CCDC51: variants seen among roughly 807,000 people sequenced by gnomAD.
CCDC51 encodes mitochondrial potassium channel.
CCDC51 carries 25 observed loss-of-function variants against 24.8 expected under a neutral mutation model. The ratio of observed to expected loss-of-function variants is 1.01; its 90% CI spans 0.73 to 1.41. CCDC51 has a LOEUF of 1.41. Ranked by LOEUF, CCDC51 falls within the 40% of genes most tolerant of loss-of-function variation. The pLI, the probability that CCDC51 is intolerant of heterozygous loss-of-function variation, is 0.00. For synonymous variants in CCDC51, 190 were observed against 204.3 expected, an observed-to-expected ratio of 0.93 and a Z score of 0.60; for missense variants, 466 against 519.1, an observed-to-expected ratio of 0.90 and a Z score of 0.99.
rs777879705 is a variant in CCDC51, at chr3:48,432,950, C to T, written c.694G>A (p.Ala232Thr). 3 of 1,614,136 alleles carry T rather than the reference C, an allele frequency of 1.9e-6. No individual in the cohort carries two copies. Among genetic ancestry groups the T allele is most frequent in the South Asian group, 1.1e-5 (1 of 91,084 alleles). ...CCCTTCTGCGCCTCCAGGAGTAAAG[C>T]CTTCAGCTCCTGTAGTCGCACACGG... Reference protein sequence around the residue: ...VNRVRLQELKALLLEAQKGPV... With the variant: ...VNRVRLQELKTLLLEAQKGPV... Residue 232 changes from alanine to threonine, a missense_variant, in exon 4 of 4, where the codon GCT becomes ACT. Transcript: ENST00000395694.
Position 48,433,264 on chromosome 3 carries a change from G to A in CCDC51, c.478-98C>T. On this transcript the variant is annotated intron_variant, in intron 3 of 3. Transcript: ENST00000395694. This position sits in a 1 kb window ranked among gnomAD's most constrained non-coding sequence, Gnocchi z 4.4. ...GGCTCACTACCTTGTGCCTGGCAGA[G>A]TACATGTTCCATAGACCCATGCTGA... is the stretch of plus-strand genomic sequence containing the variant. The A allele has an allele frequency of 8.4e-7, 1 of 1,194,644 alleles. No homozygotes were observed. Among genetic ancestry groups the A allele is most frequent in the African/African-American group, 1.5e-5 (1 of 66,552 alleles). The allele number at this position is 1,194,644 out of a possible 1,614,324, so 74.0% of individuals were successfully genotyped here.
chr3:48,437,414 C>T lies in CCDC51; in HGVS notation c.-8-2278G>A, dbSNP rs1485814358. Reference sequence around the variant, plus strand: ...CTGTTTCTCAGCCCCCAGGATGTCACCACTTAGATGTTTCACAGGCCCCCC... The same window carrying T: ...CTGTTTCTCAGCCCCCAGGATGTCATCACTTAGATGTTTCACAGGCCCCCC... On this transcript the variant is annotated intron_variant, in intron 1 of 3. Transcript: ENST00000395694. This position sits in a 1 kb window ranked among gnomAD's most constrained non-coding sequence, Gnocchi z 4.2. Among the ~76,000 whole-genome samples the T allele has an allele frequency of 1.3e-5, 2 of 152,036 alleles. No homozygotes were observed. The highest frequency in any genetic ancestry group is 2.9e-5 in the Non-Finnish European group (2 of 68,028).
upstream of CCDC51, among the ~76,000 whole-genome samples, chr3:48,444,855 A>G (rs990223097): frequency 1.3e-5 from 2 of 152,138 alleles, no homozygotes; most frequent in Non-Finnish European, 2.9e-5. Context: ...TTGCTGGTGG[A>G]TGGAGGGGGT....
At position 48,439,972 on chromosome 3, in the gene CCDC51, A is replaced by C. The variant is rs996218488; in HGVS notation, c.-9+16T>G. The C allele has an allele frequency of 2.2e-6, 1 of 446,492 alleles. No homozygotes were observed. The allele number at this position is 446,492 out of a possible 1,614,324, so 27.7% of individuals were successfully genotyped here. ...AGCTTGAAGCTCTTTGCACATGCAC[A>C]TGCCCTGCTGTCTACCTGCAGTGCT... On this transcript the variant is annotated intron_variant, in intron 1 of 3. Coordinates refer to ENST00000395694, the MANE Select transcript of CCDC51 (RefSeq NM_001256964.2).
chr3:48,444,391 GC>G (rs2039630580), upstream of CCDC51, among the ~76,000 whole-genome samples: 10 of 151,972 alleles, frequency 6.6e-5, 1 homozygote, highest in South Asian at 2.1e-3. Flanking sequence ...TCCTGCTTTG[GC>G]CTCCCAAGTA....
rs1315801291 is a variant in CCDC51 at position 48,435,080 on chromosome 3, G to A, written c.49C>T (p.Pro17Ser). The change falls in exon 2 of 4, where the codon CCC becomes TCC. Residue 17 changes from proline (P) to serine (S), a missense_variant. Transcript: ENST00000395694. The surrounding 1 kb of genome is among the most constrained non-coding windows in gnomAD (Gnocchi z 4.2). ...GFAMQHIVGV[P>S]HVLVRRGLLG... ...AGGCCCCTCCGAACCAGTACGTGGG[G>A]CACACCCACGATGTGCTGCATGGCA... is the stretch of plus-strand genomic sequence containing the variant. The A allele has an allele frequency of 3.7e-6, 6 of 1,610,246 alleles. No homozygotes were observed. The highest frequency in any genetic ancestry group is 5.1e-6 in the Non-Finnish European group (6 of 1,178,110).
Position 48,440,072 on chromosome 3 carries a change from C to T in CCDC51, c.-93G>A. On this transcript the variant is annotated 5_prime_UTR_variant, in exon 1 of 4. Transcript: ENST00000395694. ...TCCTACGGTTCCGATTCTACCCTGG[C>T]AGGACAACCCTAGCTCCTCGTACCT... 1.4e-6 allele frequency: 1 copy of T among 705,078 alleles called. No individual in the cohort carries two copies. The highest frequency in any genetic ancestry group is 2.3e-6 in the Non-Finnish European group (1 of 442,986). The allele number at this position is 705,078 out of a possible 1,614,324, so 43.7% of individuals were successfully genotyped here. A position where few individuals can be genotyped will look rare whatever the true frequency, so the allele number is the denominator to read the frequency against.
upstream of CCDC51, among the ~76,000 whole-genome samples, chr3:48,443,194 T>C (rs1274361636): frequency 2.2e-5 from 3 of 134,736 alleles, no homozygotes; most frequent in African/African-American, 8.6e-5. Flanking sequence ...TGAGCCAAAA[T>C]TGCACCACCG....
Position 48,432,300 on chromosome 3 carries a change from A to C in CCDC51, c.*108T>G. ...TGAGCCACACAGATACTGCTCCTTC[A>C]GATTGAGGTTGTACATGCCCCCAAA... On this transcript the variant is annotated 3_prime_UTR_variant, in exon 4 of 4. Coordinates refer to ENST00000395694, the MANE Select transcript of CCDC51 (RefSeq NM_001256964.2). The C allele has an allele frequency of 7.6e-7, 1 of 1,308,920 alleles. No homozygotes were observed. The highest frequency in any genetic ancestry group is 1.1e-6 in the Non-Finnish European group (1 of 942,940). The allele number at this position is 1,308,920 out of a possible 1,614,324, so 81.1% of individuals were successfully genotyped here. A position where few individuals can be genotyped will look rare whatever the true frequency, so the allele number is the denominator to read the frequency against.
At chr3:48,440,368 C>T (rs1350277598), upstream of CCDC51, 1 of 1,611,716 alleles carries the variant, frequency 6.2e-7, no homozygotes, top group East Asian at 2.2e-5. Flanking sequence ...GACCGGGCGG[C>T]AGGGGCAGGC....
At chr3:48,438,091 C>G (rs561460928) in intron 1 of CCDC51, 1 of 152,338 alleles carries the variant, frequency 6.6e-6, no homozygotes, top group South Asian at 2.1e-4. Flanking sequence ...ATTTTTCACT[C>G]GGTTTCCAGT....
chr3:48,433,266 A>G lies in CCDC51; in HGVS notation c.478-100T>C. ...CTCACTACCTTGTGCCTGGCAGAGTACATGTTCCATAGACCCATGCTGAAT... is the reference window on the plus strand; with the variant it reads ...CTCACTACCTTGTGCCTGGCAGAGTGCATGTTCCATAGACCCATGCTGAAT... On this transcript the variant is annotated intron_variant, in intron 3 of 3. Coordinates refer to ENST00000395694, the MANE Select transcript of CCDC51 (RefSeq NM_001256964.2). The surrounding 1 kb of genome is among the most constrained non-coding windows in gnomAD (Gnocchi z 4.4). 1 of 1,174,726 alleles carries G rather than the reference A, an allele frequency of 8.5e-7. No individual in the cohort carries two copies. Among genetic ancestry groups the G allele is most frequent in the East Asian group, 2.4e-5 (1 of 41,306 alleles). 72.8% of individuals were successfully genotyped at this position (1,174,726 alleles called of 1,614,324 possible).
At chr3:48,439,815 T>C (rs961768543) in intron 1 of CCDC51, among the ~76,000 whole-genome samples, 173 bp downstream of exon 1, 3 of 152,198 alleles carry the variant, frequency 2.0e-5, no homozygotes, top group African/African-American at 7.2e-5. Context: ...CCCCTGACTA[T>C]ATTATAAAAC....
the CCDC51 span, chr3:48,446,575 A>C: frequency 2.4e-5 from 7 of 296,164 alleles, no homozygotes; most frequent in Non-Finnish European, 2.4e-5. Context: ...CCTCTCCGGT[A>C]ACGGGTCGCG....
At chr3:48,434,777 G>A (rs986634599) in intron 2 of CCDC51, 40 bp downstream of exon 2, 8 of 1,538,322 alleles carry the variant, frequency 5.2e-6, no homozygotes, top group Non-Finnish European at 7.1e-6. Flanking sequence ...CATTTCCCAA[G>A]TCAGAGGGCG....
chr3:48,442,792 A>G (rs909294251), upstream of CCDC51, among the ~76,000 whole-genome samples: 3 of 152,072 alleles, frequency 2.0e-5, no homozygotes, highest in Non-Finnish European at 2.9e-5. Context: ...CGTTCCACAT[A>G]TATGGTCATT....
In CCDC51 at chr3:48,433,458, A is replaced by G. The variant is rs962201183; in HGVS notation, c.477+249T>C. ...GCACTCCCTAGGCCAGCCCCTCCAT[A>G]GTTCTCCTTCCTCAGCATTCTGAGT... is the stretch of plus-strand genomic sequence containing the variant. On this transcript the variant is annotated intron_variant, in intron 3 of 3. Coordinates refer to ENST00000395694, the MANE Select transcript of CCDC51 (RefSeq NM_001256964.2). The surrounding 1 kb of genome is among the most constrained non-coding windows in gnomAD (Gnocchi z 4.4). Among the ~76,000 whole-genome samples, 1 of 152,160 alleles carries G rather than the reference A, an allele frequency of 6.6e-6. No homozygotes were observed. The highest frequency in any genetic ancestry group is 1.5e-5 in the Non-Finnish European group (1 of 68,026).
In CCDC51 at chr3:48,433,970, G is replaced by T; in HGVS notation, c.313-99C>A. The T allele has an allele frequency of 6.6e-7, 1 of 1,515,222 alleles. No homozygotes were observed. Among genetic ancestry groups the T allele is most frequent in the Non-Finnish European group, 8.8e-7 (1 of 1,135,234 alleles). The allele number at this position is 1,515,222 out of a possible 1,614,324, so 93.9% of individuals were successfully genotyped here. A position where few individuals can be genotyped will look rare whatever the true frequency, so the allele number is the denominator to read the frequency against. On this transcript the variant is annotated intron_variant, in intron 2 of 3. Coordinates refer to ENST00000395694, the MANE Select transcript of CCDC51 (RefSeq NM_001256964.2). The surrounding 1 kb of genome is among the most constrained non-coding windows in gnomAD (Gnocchi z 4.4). Reference sequence around the variant, plus strand: ...GGCATTCCCAGAAGAGGTCACTGGGGTGTGAGCTGCAAAGGGTGGAAACGG... The same window carrying T: ...GGCATTCCCAGAAGAGGTCACTGGGTTGTGAGCTGCAAAGGGTGGAAACGG...
Position 48,432,962 on chromosome 3 carries a change from G to C in CCDC51, c.682C>G (p.Gln228Glu). 6.2e-7 allele frequency: 1 copy of C among 1,614,158 alleles called. No homozygotes were observed. The highest frequency in any genetic ancestry group is 8.5e-7 in the Non-Finnish European group (1 of 1,180,036). Reference protein sequence around the residue: ...GSTYVNRVRLQELKALLLEAQ... With the variant: ...GSTYVNRVRLEELKALLLEAQ... ...TCCAGGAGTAAAGCCTTCAGCTCCT[G>C]TAGTCGCACACGGTTCACATAGGTG... Residue 228 changes from glutamine (Q) to glutamate (E), a missense_variant, in exon 4 of 4, where the codon CAG (glutamine) becomes GAG (glutamate). Gln to Glu is a conservative substitution (Grantham distance 29). Transcript: ENST00000395694.
Sources: gnomAD v4.1 joint callset for allele counts (sites outside exome capture counted in the v4.1 genomes callset) on GRCh38, gnomAD v4.1.1 for gene constraint, Gnocchi (gnomAD v3.1) non-coding constraint, MANE v1.5 for transcripts, NCBI Gene and HGNC (gene_info 2026-07-23, HGNC 2026-07-21) for gene names.